Variants in PDE10A observed in about 807,000 individuals in gnomAD.
PDE10A encodes phosphodiesterase 10A.
In PDE10A, 39 loss-of-function variants were observed where a neutral mutation model predicts 97.7. The observed-to-expected ratio is 0.40, with a 90% CI of 0.31 to 0.52. PDE10A has a LOEUF of 0.52. PDE10A is among the 20% of genes least tolerant of loss of function. PDE10A has a pLI of 0.56. For synonymous variants in PDE10A, 371 were observed against 376.8 expected (o/e 0.98, Z 0.18); for missense variants, 731 against 1,047.8 (o/e 0.70, Z 4.17).
Position 165,604,268 on chromosome 6 carries a change from T to C in PDE10A, c.865+57679A>G, listed in dbSNP as rs569880043. ...TTACGGACCATTGTATCCCCAAGGATAATACGGCGCCTGGCAAACAGCAGA... is the reference window on the plus strand; with the variant it reads ...TTACGGACCATTGTATCCCCAAGGACAATACGGCGCCTGGCAAACAGCAGA... On this transcript the variant is annotated intron_variant, in intron 1 of 21. Transcript: ENST00000539869. Among the ~76,000 whole-genome samples, 17 of 152,312 alleles carry C rather than the reference T, an allele frequency of 1.1e-4. No homozygotes were observed. The South Asian group carries it at 3.3e-3, about 30-fold the overall frequency.
chr6:165,682,199 C>A (rs1790995973), intron 1 of PDE10A, among the ~76,000 whole-genome samples: 1 of 152,124 alleles, frequency 6.6e-6, no homozygotes, highest in Admixed American at 6.5e-5. Context: ...TGGCTGCGAT[C>A]ACGGCTCACT....
chr6:165,663,572 C>G (rs1354366827), upstream of PDE10A, among the ~76,000 whole-genome samples: 1 of 152,190 alleles, frequency 6.6e-6, no homozygotes, highest in Non-Finnish European at 1.5e-5. Flanking sequence ...CAGCTGTGCT[C>G]AGTCAGAGTT....
At chr6:165,969,491 T>C (rs576169270) in intron 1 of PDE10A, among the ~76,000 whole-genome samples, 7 of 152,242 alleles carry the variant, frequency 4.6e-5, no homozygotes, top group Admixed American at 3.9e-4. Context: ...AAACTAGAAG[T>C]AGCCCAGTTG....
intron 1 of PDE10A, among the ~76,000 whole-genome samples, chr6:165,795,185 TG>T: frequency 6.6e-6 from 1 of 152,346 alleles, no homozygotes; most frequent in African/African-American, 2.4e-5. Flanking sequence ...GCATCACCTC[TG>T]GAGGGAAACT....
intron 3 of PDE10A, among the ~76,000 whole-genome samples, chr6:165,471,438 C>T (rs998042099): frequency 2.0e-5 from 3 of 152,028 alleles, no homozygotes; most frequent in African/African-American, 7.3e-5. Flanking sequence ...TAACCCAGAA[C>T]GTTTACCTAA....
chr6:165,711,136 T>C lies in PDE10A; in HGVS notation c.-614-167568A>G, dbSNP rs185464388. On this transcript the variant is annotated intron_variant, in intron 1 of 19. Coordinates refer to the PDE10A transcript ENST00000366882. The surrounding 1 kb of genome is among the most constrained non-coding windows in gnomAD (Gnocchi z 4.5). ...GGTCCTTTGCTCCCACCTTTAAGCATGAAGGGGAGGCGGCTGGCTGGAGAG... is the reference window on the plus strand; with the variant it reads ...GGTCCTTTGCTCCCACCTTTAAGCACGAAGGGGAGGCGGCTGGCTGGAGAG... 4.0e-3 allele frequency among the ~76,000 whole-genome samples: 609 copies of C among 152,292 alleles called. 3 individuals are homozygous for C. Among genetic ancestry groups the C allele is most frequent in the Middle Eastern group, 6.8e-3 (2 of 294 alleles).
At chr6:165,729,267 T>C (rs1328658809) in intron 1 of PDE10A, among the ~76,000 whole-genome samples, 1 of 152,168 alleles carries the variant, frequency 6.6e-6, no homozygotes, top group Non-Finnish European at 1.5e-5. Context: ...TCAACCTTTT[T>C]CAAATGGAAA....
chr6:165,704,760 T>C (rs990018126), intron 1 of PDE10A, among the ~76,000 whole-genome samples: 3 of 152,220 alleles, frequency 2.0e-5, no homozygotes, highest in Admixed American at 1.3e-4. Flanking sequence ...CAAAAAGAGA[T>C]GCAAAAACAA....
At chr6:165,434,609 A>G (rs146320277) in intron 6 of PDE10A, among the ~76,000 whole-genome samples, 6 of 152,272 alleles carry the variant, frequency 3.9e-5, no homozygotes, top group African/African-American at 1.4e-4. Flanking sequence ...AGTAAATTTG[A>G]TGTAAGCAGT....
At chr6:165,449,988 G>A (rs1791168851) in intron 4 of PDE10A, among the ~76,000 whole-genome samples, 1 of 152,058 alleles carries the variant, frequency 6.6e-6, no homozygotes, top group South Asian at 2.1e-4. Context: ...AGGAAACTAG[G>A]TGTTAATTAG....
chr6:165,339,963 G>C (rs1781882376), intron 19 of PDE10A, among the ~76,000 whole-genome samples: 1 of 151,910 alleles, frequency 6.6e-6, no homozygotes, highest in Non-Finnish European at 1.5e-5. Context: ...TTCACTTACA[G>C]GTAATAGTTA....
chr6:165,902,942 T>G (rs1374211019), intron 1 of PDE10A, among the ~76,000 whole-genome samples: 3 of 152,228 alleles, frequency 2.0e-5, no homozygotes, highest in Non-Finnish European at 2.9e-5. Flanking sequence ...TAACTTCTGT[T>G]GTGTTTGAGC....
At chr6:165,790,193 T>C (rs919569882) in intron 1 of PDE10A, among the ~76,000 whole-genome samples, 3 of 152,250 alleles carry the variant, frequency 2.0e-5, no homozygotes, top group Non-Finnish European at 2.9e-5. Flanking sequence ...CTTTCTTTAA[T>C]GGGAAGAAGT....
At chr6:165,814,987 T>C (rs1179373967) in intron 1 of PDE10A, among the ~76,000 whole-genome samples, 1 of 152,182 alleles carries the variant, frequency 6.6e-6, no homozygotes, top group Non-Finnish European at 1.5e-5. Flanking sequence ...GTGGACTCTC[T>C]ACGTGCATTT....
At chr6:165,367,230 C>T (rs371276468) in intron 18 of PDE10A, among the ~76,000 whole-genome samples, 3 of 118,546 alleles carry the variant, frequency 2.5e-5, no homozygotes, top group African/African-American at 7.4e-5. Context: ...TATATATATA[C>T]ACACACACAT....
intron 1 of PDE10A, among the ~76,000 whole-genome samples, chr6:165,594,671 C>T (rs181546270): frequency 6.6e-4 from 100 of 152,270 alleles, no homozygotes; most frequent in Admixed American, 1.3e-3. Context: ...CTGAGTGATA[C>T]GGTGTTGAGA....
At chr6:165,586,629 T>C (rs766656781) in intron 1 of PDE10A, among the ~76,000 whole-genome samples, 5 of 152,202 alleles carry the variant, frequency 3.3e-5, no homozygotes, top group East Asian at 1.9e-4. Context: ...TGAAGTTATA[T>C]AGAAATAATA....
At chr6:165,709,314 C>T (rs1284483605) in intron 1 of PDE10A, among the ~76,000 whole-genome samples, 1 of 146,192 alleles carries the variant, frequency 6.8e-6, no homozygotes, top group African/African-American at 2.5e-5. Context: ...GGCGCTCTCC[C>T]CCCACTCCAC....
Position 165,751,364 on chromosome 6 carries a change from T to C in PDE10A, c.-614-207796A>G, listed in dbSNP as rs572631635. 5.9e-5 allele frequency among the ~76,000 whole-genome samples: 9 copies of C among 152,246 alleles called. No homozygotes were observed. In the East Asian group the frequency reaches 1.7e-3, roughly 29 times the overall value. ...TGGCCCCTGCCTCCAGGAGAGCGTA[T>C]CTGTGTGATCTCTCTCTGTAGGTGT... On this transcript the variant is annotated intron_variant, in intron 1 of 19. Coordinates refer to the PDE10A transcript ENST00000366882.
Sources: allele counts gnomAD v4.1 joint callset (sites outside exome capture counted in the v4.1 genomes callset), GRCh38; gene constraint gnomAD v4.1.1; non-coding constraint Gnocchi (gnomAD v3.1); transcripts MANE v1.5; gene names NCBI Gene and HGNC (gene_info 2026-07-23, HGNC 2026-07-21).